Variants in ACSM2B observed in about 807,000 individuals in gnomAD.
The protein encoded by ACSM2B is acyl-CoA synthetase medium chain family member 2B, also known as acyl-coenzyme A synthetase ACSM2B, mitochondrial.
In ACSM2B, 58 loss-of-function variants were observed where a neutral mutation model predicts 78.6. The observed-to-expected ratio is 0.74, with a 90% confidence interval of 0.60 to 0.92. The LOEUF is 0.92. Ranked by LOEUF, ACSM2B falls within the 40% of genes least tolerant of loss-of-function variation. The pLI, the probability that ACSM2B is intolerant of heterozygous loss-of-function variation, is 0.00. For synonymous variants in ACSM2B, 257 were observed against 256.8 expected, an observed-to-expected ratio of 1.00 and a Z score of -0.01; for missense variants, 688 against 711.2, an observed-to-expected ratio of 0.97 and a Z score of 0.37.
chr16:20,561,428 G>A (rs1267590597), intron 2 of ACSM2B, among the ~76,000 whole-genome samples: 3 of 151,258 alleles, frequency 2.0e-5, no homozygotes, highest in Non-Finnish European at 4.4e-5. Context: ...GAACAAGAGA[G>A]AGAGCGTGGG....
intron 1 of ACSM2B, among the ~76,000 whole-genome samples, chr16:20,569,362 T>C (rs1434672858): frequency 6.6e-6 from 1 of 152,072 alleles, no homozygotes; most frequent in Admixed American, 6.6e-5. Context: ...TTGTCGAAGA[T>C]AAGTTGACTG....
At chr16:20,553,471 C>A (rs2015378133) in intron 5 of ACSM2B, among the ~76,000 whole-genome samples, 1 of 152,156 alleles carries the variant, frequency 6.6e-6, no homozygotes, top group Admixed American at 6.5e-5. Flanking sequence ...TGCCAGCATC[C>A]CAAAGAACAA....
At chr16:20,575,246 T>C (rs1210485404) in intron 1 of ACSM2B, among the ~76,000 whole-genome samples, 9 of 151,736 alleles carry the variant, frequency 5.9e-5, no homozygotes, top group Admixed American at 4.6e-4. Flanking sequence ...CAGGGTTCTC[T>C]AGAGAAACAG....
intron 1 of ACSM2B, among the ~76,000 whole-genome samples, chr16:20,575,995 C>T (rs1376935837): frequency 1.3e-4 from 19 of 150,384 alleles, no homozygotes; most frequent in African/African-American, 4.8e-4. Context: ...TTTCCAGCTG[C>T]CCTCGTCTCT....
intron 12 of ACSM2B, 97 bp downstream of exon 12, chr16:20,542,817 A>C (rs1372939869): frequency 6.7e-7 from 1 of 1,487,202 alleles, no homozygotes; most frequent in Non-Finnish European, 9.1e-7. Flanking sequence ...ATTGGGTCTC[A>C]GAGTGTTCAG....
rs1213402960 is a variant in ACSM2B at position 20,561,995 on chromosome 16, G to C, written c.178-2548C>G. ...TTTTTTGTCCTTGCCATGGTTTGCT[G>C]AGAATGATGGTTTATTTTTTGTCTA... On this transcript the variant is annotated intron_variant, in intron 2 of 13. Coordinates refer to ENST00000329697, the MANE Select transcript of ACSM2B (RefSeq NM_001105069.2). Among the ~76,000 whole-genome samples the C allele has an allele frequency of 2.7e-5, 4 of 150,592 alleles. 1 individual carries two copies. The South Asian group carries it at 8.5e-4, about 32-fold the overall frequency.
chr16:20,565,608 G>T (rs71384485), intron 1 of ACSM2B, among the ~76,000 whole-genome samples: 13 of 151,884 alleles, frequency 8.6e-5, no homozygotes, highest in African/African-American at 3.1e-4. Flanking sequence ...ATCCTAAATC[G>T]CAGGTCCTAT....
chr16:20,564,941 C>G (rs1377213160), intron 1 of ACSM2B, 88 bp from the exon 2 acceptor site: 8 of 1,500,788 alleles, frequency 5.3e-6, no homozygotes, highest in Non-Finnish European at 7.1e-6. Context: ...TCATCCCAAC[C>G]TTATAGGATT....
intron 9 of ACSM2B, 89 bp downstream of exon 9, chr16:20,546,305 A>G: frequency 6.7e-7 from 1 of 1,493,670 alleles, no homozygotes; most frequent in Non-Finnish European, 9.0e-7. Flanking sequence ...ACTTTCTATT[A>G]TTTTTGACTC....
At chr16:20,542,168 C>G (rs1348104227) in intron 12 of ACSM2B, 1 of 150,650 alleles carries the variant, frequency 6.6e-6, no homozygotes, top group Non-Finnish European at 1.5e-5. Flanking sequence ...CTATAGTCAC[C>G]CTACTCTGCT....
chr16:20,557,152 T>C (rs2015500503), intron 3 of ACSM2B, among the ~76,000 whole-genome samples: 1 of 152,264 alleles, frequency 6.6e-6, no homozygotes, highest in South Asian at 2.1e-4. Flanking sequence ...AATATAAAAG[T>C]TGATGATTCT....
At chr16:20,549,128 G>C (rs1196873596) in intron 6 of ACSM2B, among the ~76,000 whole-genome samples, 2 of 152,042 alleles carry the variant, frequency 1.3e-5, no homozygotes, top group Non-Finnish European at 1.5e-5. Flanking sequence ...CTGCTCCAAG[G>C]TCACCTAGTC....
At chr16:20,560,193 T>C (rs556731208) in intron 2 of ACSM2B, among the ~76,000 whole-genome samples, 11 of 151,222 alleles carry the variant, frequency 7.3e-5, no homozygotes, top group Non-Finnish European at 1.5e-4. Context: ...TAGGCCCTGA[T>C]AAACACCATT....
chr16:20,563,680 G>T (rs56331517), intron 2 of ACSM2B, among the ~76,000 whole-genome samples: 80,154 of 147,360 alleles, frequency 0.54, 24,889 homozygotes, highest in Non-Finnish European at 0.72. Context: ...CCCACACCTA[G>T]GGCCGTCTTC....
intron 2 of ACSM2B, 92 bp from the exon 3 acceptor site, chr16:20,559,539 A>T (rs2015583396): frequency 6.7e-7 from 1 of 1,482,846 alleles, no homozygotes; most frequent in South Asian, 1.4e-5. Context: ...GCTGGTGCTT[A>T]GTAAGGTTTT....
chr16:20,554,646 A>G (rs1472917484), intron 4 of ACSM2B, among the ~76,000 whole-genome samples: 1 of 152,174 alleles, frequency 6.6e-6, no homozygotes, highest in African/African-American at 2.4e-5. Context: ...CTATCAACAC[A>G]TGGAAAGGCC....
intron 12 of ACSM2B, chr16:20,541,435 G>A (rs1431140241): frequency 1.3e-5 from 2 of 152,092 alleles, no homozygotes; most frequent in African/African-American, 4.8e-5. Context: ...CTATAACCCT[G>A]GCTTTATAGG....
At chr16:20,571,348 G>C (rs1334178205) in intron 1 of ACSM2B, among the ~76,000 whole-genome samples, 1 of 151,866 alleles carries the variant, frequency 6.6e-6, no homozygotes, top group Non-Finnish European at 1.5e-5. Context: ...TCAGGAACAG[G>C]TTATTTAATT....
At chr16:20,541,447 G>T (rs1293399256) in intron 12 of ACSM2B, 1 of 152,092 alleles carries the variant, frequency 6.6e-6, no homozygotes, top group African/African-American at 2.4e-5. Flanking sequence ...CTTTATAGGG[G>T]TCTTTCTTTT....
Sources: gnomAD v4.1 joint callset for allele counts (sites outside exome capture counted in the v4.1 genomes callset) on GRCh38, gnomAD v4.1.1 for gene constraint, MANE v1.5 for transcripts, NCBI Gene and HGNC (gene_info 2026-07-23, HGNC 2026-07-21) for gene names.